The following THBS2 variants were observed in gnomAD, a reference collection of about 807,000 sequenced individuals.
The protein encoded by THBS2 is thrombospondin 2.
A neutral mutation model predicts 135.2 loss-of-function variants in THBS2; 47 were observed. The ratio of observed to expected loss-of-function variants is 0.35; its 90% confidence interval spans 0.28 to 0.44. The LOEUF (loss-of-function observed/expected upper bound fraction) is 0.44. Among genes scored for constraint, THBS2 ranks in the 20% least tolerant of loss-of-function variants. The probability of loss-of-function intolerance (pLI) is 1.00; values close to 1 mark genes in which losing one functional copy is unlikely to be tolerated. For missense variants in THBS2, 1,288 were observed against 1,603.1 expected (o/e 0.80, Z 3.36); for synonymous variants, 639 against 633.8 (o/e 1.01, Z -0.12).
At chr6:169,239,445 G>GACCA in intron 7 of THBS2, 154 bp downstream of exon 7, 1 of 670,844 alleles carries the variant, frequency 1.5e-6, no homozygotes, top group Non-Finnish European at 2.5e-6. Context: ...CTCAGTGGAT[G>GACCA]ACCAGTGGCC....
chr6:169,252,388 C>A lies in THBS2; in HGVS notation c.-23+1336G>T, dbSNP rs1052960312. On this transcript the variant is annotated intron_variant, in intron 1 of 21. Transcript: ENST00000617924. This position sits in a 1 kb window ranked among gnomAD's most constrained non-coding sequence, Gnocchi z 4.3. Reference sequence around the variant, plus strand: ...CCCACCTCCCCACCTCATCAGCCCACACTGCCGGGTACGTCGCAGTCCCCT... The same window carrying A: ...CCCACCTCCCCACCTCATCAGCCCAAACTGCCGGGTACGTCGCAGTCCCCT... Among the ~76,000 whole-genome samples, 1 of 152,212 alleles carries A rather than the reference C, an allele frequency of 6.6e-6. No individual in the cohort carries two copies. The highest frequency in any genetic ancestry group is 1.5e-5 in the Non-Finnish European group (1 of 68,040).
rs201233150 is a variant in THBS2 at position 169,241,999 on chromosome 6, C to T, written c.695-41G>A. 5.5e-4 allele frequency: 862 copies of T among 1,568,814 alleles called. 3 individuals are homozygous for T. The African/African-American group carries it at 0.01, about 19-fold the overall frequency. ...GAAGGGCCGTGAGCATCACAGAGGA[C>T]GGGGCCAGCAGCAGGGGCTGGGAAC... On this transcript the variant is annotated intron_variant, in intron 4 of 21. Coordinates refer to ENST00000617924, the MANE Select transcript of THBS2 (RefSeq NM_003247.5). This position sits in a 1 kb window ranked among gnomAD's most constrained non-coding sequence, Gnocchi z 5.5.
At chr6:169,219,393 ATG>A (rs1779337113) in intron 21 of THBS2, among the ~76,000 whole-genome samples, 1 of 150,254 alleles carries the variant, frequency 6.7e-6, no homozygotes, top group African/African-American at 2.5e-5. Flanking sequence ...GAATGGATGG[ATG>A]GATGGGTGGA....
In THBS2 at chr6:169,225,224, A is replaced by C. The variant is rs879518181; in HGVS notation, c.2694T>G (p.Pro898=). 4 of 1,614,134 alleles carry C rather than the reference A, an allele frequency of 2.5e-6. No homozygotes were observed. The highest frequency in any genetic ancestry group is 3.4e-6 in the Non-Finnish European group (4 of 1,180,020). ...CGGGGACGCCATCGTTGTCATCATCAGGGTCACAGGCGTCGCCCTGGCCGT... is the reference window on the plus strand; with the variant it reads ...CGGGGACGCCATCGTTGTCATCATCCGGGTCACAGGCGTCGCCCTGGCCGT... ...DRDGQGDACD[P]DDDNDGVPDD... The change falls in exon 17 of 22, where the codon CCT becomes CCG. Residue 898 remains proline, a synonymous_variant. Coordinates refer to ENST00000617924, the MANE Select transcript of THBS2 (RefSeq NM_003247.5).
chr6:169,231,589 A>G (rs1419456412), intron 13 of THBS2, among the ~76,000 whole-genome samples: 1 of 152,180 alleles, frequency 6.6e-6, no homozygotes, highest in Non-Finnish European at 1.5e-5. Context: ...GAAGAAAACC[A>G]TGTCCTAACT....
chr6:169,232,266 C>T (rs1779866319), intron 12 of THBS2, 68 bp from the exon 13 acceptor site: 1 of 1,553,048 alleles, frequency 6.4e-7, no homozygotes, highest in Non-Finnish European at 8.8e-7. Context: ...CGAGGCGGGG[C>T]GTCGGGCACC....
chr6:169,247,358 C>T (rs554350413), intron 3 of THBS2, among the ~76,000 whole-genome samples: 1 of 151,358 alleles, frequency 6.6e-6, no homozygotes, highest in African/African-American at 2.4e-5. Context: ...TGCACGTGTG[C>T]CTGTTTGTAT....
In THBS2 at chr6:169,232,598, T is replaced by C. The variant is rs1779883624; in HGVS notation, c.1932+66A>G. The C allele has an allele frequency of 5.2e-6, 8 of 1,533,898 alleles. No individual in the cohort carries two copies. In the Admixed American group the frequency reaches 1.2e-4, roughly 23 times the overall value. On this transcript the variant is annotated intron_variant, in intron 12 of 21. Coordinates refer to ENST00000617924, the MANE Select transcript of THBS2 (RefSeq NM_003247.5). ...CCCTTCCTCTCCTTCCTCCTGCTGC[T>C]TTTCTGAGCTCATCTGATTTTTCCA...
chr6:169,243,063 ACTCCCACCTTCCCACCTTCCCACT>A (rs1780412632), intron 4 of THBS2, among the ~76,000 whole-genome samples: 1 of 16,504 alleles, frequency 6.1e-5, no homozygotes, highest in Non-Finnish European at 1.2e-4. Flanking sequence ...CCTTCCCACC[ACTCCCACCTTCCCACCTTCCCACT>A]GCTCCCACCT....
At chr6:169,227,593 A>G (rs1779682285) in intron 15 of THBS2, among the ~76,000 whole-genome samples, 1 of 152,230 alleles carries the variant, frequency 6.6e-6, no homozygotes, top group Admixed American at 6.5e-5. Context: ...TACCAAATGC[A>G]TAGCTTTCTC....
In THBS2 at chr6:169,234,776, C is replaced by T. The variant is rs750723910; in HGVS notation, c.1609G>A (p.Val537Met). Residue 537 changes from valine (V) to methionine (M), a missense_variant, in exon 10 of 22, where the codon GTG becomes ATG. Physicochemically the swap from Val to Met is conservative, Grantham distance 21. Transcript: ENST00000617924. ...TTGTTGCACATCTGACGCTCCTGCA[C>T]ATCCCCCACGCAGGCCTTCCCTCCG... ...QYGGKACVGD[V>M]QERQMCNKRS... The T allele has an allele frequency of 6.2e-6, 10 of 1,607,152 alleles. No homozygotes were observed. In the South Asian group the frequency reaches 1.1e-4, roughly 18 times the overall value.
intron 21 of THBS2, among the ~76,000 whole-genome samples, chr6:169,218,983 AGTGGATGGATG>A (rs1342717623): frequency 9.2e-5 from 12 of 130,166 alleles, no homozygotes; most frequent in African/African-American, 3.3e-4. Context: ...TGGGTGGATG[AGTGGATGGATG>A]GATGAGTAGG....
At chr6:169,228,305 CT>C (rs535029137) in intron 14 of THBS2, 24 bp from the exon 15 acceptor site, 1 of 1,613,250 alleles carries the variant, frequency 6.2e-7, no homozygotes, top group Non-Finnish European at 8.5e-7. Context: ...AAAGGGAAGA[CT>C]TTAACGAAGA....
At chr6:169,230,429 C>T (rs1198172835) in intron 13 of THBS2, among the ~76,000 whole-genome samples, 1 of 152,128 alleles carries the variant, frequency 6.6e-6, no homozygotes, top group East Asian at 1.9e-4. Flanking sequence ...GGGTCTTGTG[C>T]TGGAGCCCAG....
chr6:169,218,602 G>C (rs530436048), intron 21 of THBS2, among the ~76,000 whole-genome samples: 155 of 147,924 alleles, frequency 1.0e-3, no homozygotes, highest in African/African-American at 3.7e-3. Context: ...TGGGTGTGTG[G>C]GTGGGTGGAT....
chr6:169,237,093 C>A (rs1289544276), intron 9 of THBS2, 77 bp downstream of exon 9: 18 of 1,502,472 alleles, frequency 1.2e-5, no homozygotes, highest in Admixed American at 2.0e-5. Context: ...ACCCCGGATC[C>A]CGGCTCCAGC....
At chr6:169,226,972 G>C (rs536796386) in intron 15 of THBS2, among the ~76,000 whole-genome samples, 49 of 152,260 alleles carry the variant, frequency 3.2e-4, no homozygotes, top group African/African-American at 1.1e-3. Flanking sequence ...GAAGGGACTG[G>C]AGCTTGAGAT....
rs1355696787 is a variant in THBS2, at chr6:169,225,227, G to T, written c.2691C>A (p.Asp897Glu). 4 of 1,614,004 alleles carry T rather than the reference G, an allele frequency of 2.5e-6. No individual in the cohort carries two copies. Among genetic ancestry groups the T allele is most frequent in the Non-Finnish European group, 3.4e-6 (4 of 1,179,998 alleles). ...GGACGCCATCGTTGTCATCATCAGG[G>T]TCACAGGCGTCGCCCTGGCCGTCTC... ...HDRDGQGDAC[D>E]PDDDNDGVPD... is the part of the protein sequence containing the mutation. Residue 897 changes from aspartate to glutamate, a missense_variant, in exon 17 of 22, where the codon GAC becomes GAA. Physicochemically the swap from Asp to Glu is conservative, Grantham distance 45 (BLOSUM62 2). Coordinates refer to ENST00000617924, the MANE Select transcript of THBS2 (RefSeq NM_003247.5).
intron 15 of THBS2, among the ~76,000 whole-genome samples, chr6:169,227,869 G>A (rs1012364283): frequency 6.6e-6 from 1 of 152,096 alleles, no homozygotes; most frequent in Non-Finnish European, 1.5e-5. Context: ...ATCATTTGAG[G>A]TCAGGAGCTT....
Sources: allele counts gnomAD v4.1 joint callset (sites outside exome capture counted in the v4.1 genomes callset), GRCh38; gene constraint gnomAD v4.1.1; non-coding constraint Gnocchi (gnomAD v3.1); transcripts MANE v1.5; gene names NCBI Gene and HGNC (gene_info 2026-07-23, HGNC 2026-07-21).